Variants in NT5DC1 observed in about 807,000 individuals in gnomAD.
The protein encoded by NT5DC1 is 5'-nucleotidase domain-containing protein 1.
In NT5DC1, 42 loss-of-function variants were observed where a neutral mutation model predicts 59.4. The observed-to-expected ratio is 0.71, with a 90% CI of 0.55 to 0.92. NT5DC1 has a LOEUF of 0.92. Among genes scored for constraint, NT5DC1 ranks in the 40% least tolerant of loss-of-function variants. The pLI is 0.00. For synonymous variants in NT5DC1, 172 were observed against 188.1 expected (o/e 0.91, Z 0.70); for missense variants, 501 against 537.1 (o/e 0.93, Z 0.66).
At chr6:116,126,887 A>G (rs1426229291) in intron 6 of NT5DC1, among the ~76,000 whole-genome samples, 1 of 152,206 alleles carries the variant, frequency 6.6e-6, no homozygotes, top group Non-Finnish European at 1.5e-5. Context: ...GCAGTTAGGA[A>G]TCATCCCAAT....
intron 4 of NT5DC1, among the ~76,000 whole-genome samples, chr6:116,111,746 T>C (rs1778879370): frequency 6.6e-6 from 1 of 152,250 alleles, no homozygotes; most frequent in Non-Finnish European, 1.5e-5. Context: ...CTGTTTTGTT[T>C]GCTTGTTTGT....
chr6:116,151,612 G>T (rs1780040635), intron 6 of NT5DC1, among the ~76,000 whole-genome samples: 1 of 152,164 alleles, frequency 6.6e-6, no homozygotes, highest in African/African-American at 2.4e-5. Flanking sequence ...CGAGAATGCA[G>T]TACATGCAAA....
chr6:116,227,574 A>G (rs1000621710), intron 8 of NT5DC1, among the ~76,000 whole-genome samples: 25 of 152,138 alleles, frequency 1.6e-4, no homozygotes, highest in Admixed American at 6.5e-4. Flanking sequence ...CTAATTTACA[A>G]TCCCACCAAG....
At chr6:116,161,091 A>G (rs904512795) in intron 6 of NT5DC1, among the ~76,000 whole-genome samples, 3 of 151,532 alleles carry the variant, frequency 2.0e-5, no homozygotes, top group African/African-American at 7.3e-5. Flanking sequence ...TATCGTAAGA[A>G]CAAAAAACCA....
At chr6:116,131,662 C>T (rs765783156) in intron 6 of NT5DC1, among the ~76,000 whole-genome samples, 1 of 152,154 alleles carries the variant, frequency 6.6e-6, no homozygotes, top group East Asian at 1.9e-4. Flanking sequence ...CTGTCTTTTG[C>T]CAATACAAAT....
rs1378271493 is a variant in NT5DC1, at chr6:116,244,888, T to C, written c.*864T>C. 6.6e-6 allele frequency: 1 copy of C among 152,174 alleles called. No homozygotes were observed. Among genetic ancestry groups the C allele is most frequent in the African/African-American group, 2.4e-5 (1 of 41,426 alleles). 9.4% of individuals were successfully genotyped at this position (152,174 alleles called of 1,614,324 possible). On this transcript the variant is annotated 3_prime_UTR_variant, in exon 12 of 12. Coordinates refer to ENST00000319550, the MANE Select transcript of NT5DC1 (RefSeq NM_152729.3). ...TAATTTATTTAATCAACTTTAAGCA[T>C]TACATTCTCAATTGGGGACAAAAAT...
At chr6:116,141,412 T>C (rs1217631120) in intron 6 of NT5DC1, among the ~76,000 whole-genome samples, 2 of 152,154 alleles carry the variant, frequency 1.3e-5, no homozygotes, top group African/African-American at 2.4e-5. Flanking sequence ...AGTTAACTTC[T>C]ATCTAAGAAA....
chr6:116,214,494 T>G (rs1210917705), intron 6 of NT5DC1, among the ~76,000 whole-genome samples: 1 of 152,102 alleles, frequency 6.6e-6, no homozygotes, highest in Non-Finnish European at 1.5e-5. Flanking sequence ...CTGTCTGGTT[T>G]TATAGGGGTA....
intron 6 of NT5DC1, among the ~76,000 whole-genome samples, chr6:116,150,469 G>A (rs1222751131): frequency 2.0e-5 from 3 of 152,068 alleles, no homozygotes; most frequent in Non-Finnish European, 4.4e-5. Context: ...ATTTTTAATA[G>A]AGACAGGGTT....
intron 6 of NT5DC1, among the ~76,000 whole-genome samples, chr6:116,193,163 G>A (rs908495030): frequency 6.6e-6 from 1 of 151,992 alleles, no homozygotes; most frequent in Non-Finnish European, 1.5e-5. Context: ...AACTCTTTGT[G>A]TAATGGCCTT....
chr6:116,227,380 A>G (rs953904425), intron 8 of NT5DC1, among the ~76,000 whole-genome samples: 3 of 152,120 alleles, frequency 2.0e-5, no homozygotes, highest in African/African-American at 7.2e-5. Flanking sequence ...CTGCTAATGG[A>G]CATTTCGGTT....
intron 6 of NT5DC1, among the ~76,000 whole-genome samples, chr6:116,194,697 A>C (rs1487138227): frequency 6.6e-6 from 1 of 152,098 alleles, no homozygotes; most frequent in African/African-American, 2.4e-5. Flanking sequence ...ACTAAGAACT[A>C]CAAGTATAAT....
chr6:116,109,325 C>T (rs1778820313), intron 3 of NT5DC1, among the ~76,000 whole-genome samples: 1 of 152,108 alleles, frequency 6.6e-6, no homozygotes, highest in Admixed American at 6.5e-5. Context: ...CAGGTGTAGC[C>T]CCACCTTTGG....
chr6:116,120,040 C>G (rs1037615556), intron 6 of NT5DC1: 6 of 1,558,672 alleles, frequency 3.8e-6, no homozygotes, highest in Non-Finnish European at 5.2e-6. Context: ...AATGCTTTTT[C>G]TAGCACAAGA....
At chr6:116,101,375 G>A (rs533157536) in intron 1 of NT5DC1, among the ~76,000 whole-genome samples, 1 of 152,298 alleles carries the variant, frequency 6.6e-6, no homozygotes, top group Admixed American at 6.5e-5. Context: ...ATCTCACGTC[G>A]TGGAACTTTC....
chr6:116,229,080 A>C (rs767593579), intron 8 of NT5DC1, among the ~76,000 whole-genome samples: 6 of 152,190 alleles, frequency 3.9e-5, no homozygotes, highest in Non-Finnish European at 5.9e-5. Context: ...ACAGCTCATT[A>C]AATCCCCATC....
intron 8 of NT5DC1, among the ~76,000 whole-genome samples, chr6:116,231,845 TA>T (rs780711345): frequency 2.6e-5 from 4 of 152,228 alleles, no homozygotes; most frequent in Non-Finnish European, 5.9e-5. Context: ...TAAAATAGTT[TA>T]AAAATAGCAA....
chr6:116,199,798 A>G (rs1170483662), intron 6 of NT5DC1, among the ~76,000 whole-genome samples: 1 of 152,114 alleles, frequency 6.6e-6, no homozygotes, highest in African/African-American at 2.4e-5. Context: ...AACCCAGAGT[A>G]TAAAATAACC....
At chr6:116,148,114 A>G (rs1779945028) in intron 6 of NT5DC1, among the ~76,000 whole-genome samples, 1 of 152,242 alleles carries the variant, frequency 6.6e-6, no homozygotes, top group Non-Finnish European at 1.5e-5. Context: ...TGTAAGATAC[A>G]TAATTGATAT....
Sources: allele counts gnomAD v4.1 joint callset (sites outside exome capture counted in the v4.1 genomes callset), GRCh38; gene constraint gnomAD v4.1.1; transcripts MANE v1.5; gene names NCBI Gene and HGNC (gene_info 2026-07-23, HGNC 2026-07-21).